Variants in NRG3 observed in about 807,000 individuals in gnomAD.
NRG3 encodes the protein neuregulin 3.
Under a neutral mutation model 66.9 loss-of-function variants are expected in NRG3, and 31 were observed. The ratio of observed to expected loss-of-function variants is 0.46; its 90% CI spans 0.35 to 0.63. The LOEUF (loss-of-function observed/expected upper bound fraction) is 0.63. NRG3 is among the 20% of genes least tolerant of loss of function. The pLI is 0.00. For missense variants in NRG3, 910 were observed against 878.9 expected (o/e 1.04, Z -0.45); for synonymous variants, 393 against 359.4 (o/e 1.09, Z -1.06).
intron 6 of NRG3, among the ~76,000 whole-genome samples, chr10:82,966,349 A>G (rs1851207130): frequency 6.6e-6 from 1 of 152,144 alleles, no homozygotes; most frequent in African/African-American, 2.4e-5. Context: ...TTTGATCAGT[A>G]CTGGTAAAGA....
chr10:82,525,038 TATC>T (rs917565931), intron 2 of NRG3, among the ~76,000 whole-genome samples: 5 of 151,918 alleles, frequency 3.3e-5, no homozygotes, highest in African/African-American at 4.8e-5. Context: ...AACCTATTCT[TATC>T]ATGACAAACA....
At chr10:82,479,272 GTTA>G (rs926430997) in intron 2 of NRG3, among the ~76,000 whole-genome samples, 2 of 151,934 alleles carry the variant, frequency 1.3e-5, no homozygotes, top group Admixed American at 6.6e-5. Flanking sequence ...TTAACTCAGG[GTTA>G]TTATGAGGTT....
At chr10:82,783,593 A>C (rs2060212110) in intron 3 of NRG3, among the ~76,000 whole-genome samples, 1 of 152,142 alleles carries the variant, frequency 6.6e-6, no homozygotes, top group African/African-American at 2.4e-5. Flanking sequence ...ATCATGAGTG[A>C]ACTCCCATTC....
chr10:82,101,353 T>G (rs1176837115), intron 1 of NRG3, among the ~76,000 whole-genome samples: 1 of 151,838 alleles, frequency 6.6e-6, no homozygotes, highest in Non-Finnish European at 1.5e-5. Flanking sequence ...CATTGATATG[T>G]TTATTATGTA....
chr10:82,357,595 G>GGA (rs2083861928), intron 1 of NRG3, among the ~76,000 whole-genome samples: 1 of 152,186 alleles, frequency 6.6e-6, no homozygotes, highest in African/African-American at 2.4e-5. Context: ...GGCATCACAT[G>GGA]GATAGGGAGT....
intron 1 of NRG3, among the ~76,000 whole-genome samples, chr10:82,340,337 G>A (rs970540247): frequency 6.6e-5 from 10 of 152,272 alleles, no homozygotes; most frequent in Admixed American, 3.3e-4. Context: ...CCCTCTCCAC[G>A]AACTCTCCTA....
At chr10:82,495,235 G>A (rs534921790) in intron 2 of NRG3, among the ~76,000 whole-genome samples, 2 of 152,124 alleles carry the variant, frequency 1.3e-5, no homozygotes, top group East Asian at 3.9e-4. Flanking sequence ...GCGCCAGGCC[G>A]ATCCCTGCTC....
intron 1 of NRG3, among the ~76,000 whole-genome samples, chr10:82,048,086 C>A (rs1312082650): frequency 3.3e-5 from 5 of 151,480 alleles, no homozygotes; most frequent in Non-Finnish European, 7.4e-5. Context: ...CAGGAGCACC[C>A]AGTTTCATAA....
At chr10:82,547,835 T>C (rs1244960704) in intron 2 of NRG3, among the ~76,000 whole-genome samples, 2 of 152,098 alleles carry the variant, frequency 1.3e-5, no homozygotes, top group African/African-American at 4.8e-5. Context: ...TATCTAGCTA[T>C]GTTTAAGTAT....
At position 82,678,977 on chromosome 10, in the gene NRG3, A is replaced by G. The variant is rs552978979; in HGVS notation, c.954-59600A>G. On this transcript the variant is annotated intron_variant, in intron 2 of 8. Coordinates refer to ENST00000372141, the MANE Select transcript of NRG3 (RefSeq NM_001010848.4). Reference sequence around the variant, plus strand: ...CAATATTTGAGGTGGACAATCTGACATTGGAAATGTAGACATTGTTGTTAG... The same window carrying G: ...CAATATTTGAGGTGGACAATCTGACGTTGGAAATGTAGACATTGTTGTTAG... Among the ~76,000 whole-genome samples, 10 of 152,352 alleles carry G rather than the reference A, an allele frequency of 6.6e-5. No individual in the cohort carries two copies. The South Asian group carries it at 2.1e-3, about 32-fold the overall frequency.
chr10:82,150,526 C>CAAAAAAAAAAAAAAAAAAAAAAAAAA (rs2070637635), intron 1 of NRG3, among the ~76,000 whole-genome samples: 2 of 17,148 alleles, frequency 1.2e-4, no homozygotes, highest in Non-Finnish European at 1.8e-4. Flanking sequence ...AAAAAGAGCA[C>CAAAAAAAAAAAAAAAAAAAAAAAAAA]ACACAAAAAA....
intron 1 of NRG3, among the ~76,000 whole-genome samples, chr10:82,247,488 G>A (rs1485256913): frequency 1.3e-5 from 2 of 152,066 alleles, no homozygotes; most frequent in African/African-American, 2.4e-5. Flanking sequence ...CCTCCCAGAA[G>A]CCCCACCTTC....
intron 1 of NRG3, among the ~76,000 whole-genome samples, chr10:81,968,861 A>G (rs1444431689): frequency 6.6e-6 from 1 of 152,136 alleles, no homozygotes. Flanking sequence ...GCAGGTGCTT[A>G]TCTCTTTGGA....
chr10:82,569,939 A>G (rs1458153197), intron 2 of NRG3, among the ~76,000 whole-genome samples: 1 of 151,498 alleles, frequency 6.6e-6, no homozygotes, highest in Non-Finnish European at 1.5e-5. Context: ...GCAATTTTCC[A>G]GTGTTTATTT....
intron 2 of NRG3, among the ~76,000 whole-genome samples, chr10:82,581,129 T>A (rs74417289): frequency 0.029 from 4,461 of 152,118 alleles, 214 homozygotes; most frequent in African/African-American, 0.098. Flanking sequence ...GTTTTGGATT[T>A]TGATCATCTA....
intron 1 of NRG3, among the ~76,000 whole-genome samples, chr10:81,887,090 G>A (rs1842668478): frequency 6.6e-6 from 1 of 152,056 alleles, no homozygotes; most frequent in Non-Finnish European, 1.5e-5. Flanking sequence ...ATTGGTCTTG[G>A]TTCTGTGAAG....
chr10:82,792,304 T>C (rs2135379956), intron 3 of NRG3, among the ~76,000 whole-genome samples: 1 of 152,324 alleles, frequency 6.6e-6, no homozygotes, highest in South Asian at 2.1e-4. Context: ...TGATAGGTCT[T>C]AAAAGTTTTG....
chr10:82,892,402 G>A (rs1264820359), intron 4 of NRG3, among the ~76,000 whole-genome samples: 4 of 152,106 alleles, frequency 2.6e-5, no homozygotes, highest in East Asian at 1.9e-4. Flanking sequence ...GGTGGCTCAC[G>A]CCTGTAATCC....
chr10:81,932,323 C>A (rs1364545843), intron 1 of NRG3, among the ~76,000 whole-genome samples: 1 of 152,026 alleles, frequency 6.6e-6, no homozygotes, highest in African/African-American at 2.4e-5. Context: ...ATGAAGACAG[C>A]ACCAAGCCAT....
Sources: gnomAD v4.1 joint callset for allele counts (sites outside exome capture counted in the v4.1 genomes callset) on GRCh38, gnomAD v4.1.1 for gene constraint, MANE v1.5 for transcripts, NCBI Gene and HGNC (gene_info 2026-07-23, HGNC 2026-07-21) for gene names.